Variants in AIG1 observed in about 807,000 individuals in gnomAD.
AIG1 encodes androgen-induced gene 1 protein.
In AIG1, 23 loss-of-function variants were observed where a neutral mutation model predicts 31.4. The ratio of observed to expected loss-of-function variants is 0.73; its 90% CI spans 0.53 to 1.04. The LOEUF (loss-of-function observed/expected upper bound fraction) is 1.04, where lower values mean the gene tolerates loss of function less well. Ranked by LOEUF, AIG1 falls within the 50% of genes least tolerant of loss-of-function variation. The probability of loss-of-function intolerance (pLI) is 0.00; values close to 1 mark genes in which losing one functional copy is unlikely to be tolerated. For synonymous variants in AIG1, 100 were observed against 110.5 expected (o/e 0.90, Z 0.60); for missense variants, 274 against 295.0 (o/e 0.93, Z 0.52).
In AIG1 at chr6:143,222,519, C is replaced by G. The variant is rs144082865; in HGVS notation, c.399+57336C>G. Among the ~76,000 whole-genome samples the G allele has an allele frequency of 1.3e-4, 20 of 152,248 alleles. No homozygotes were observed. The East Asian group carries it at 3.9e-3, about 29-fold the overall frequency. ...CCTGTGAATTTCATTTCAGCTCTGC[C>G]ACTGTCTGGTTTTCTAGCAAATGAC... On this transcript the variant is annotated intron_variant, in intron 3 of 5. Transcript: ENST00000357847.
At chr6:143,187,143 A>G (rs1213257053) in intron 3 of AIG1, among the ~76,000 whole-genome samples, 1 of 152,200 alleles carries the variant, frequency 6.6e-6, no homozygotes, top group Admixed American at 6.5e-5. Flanking sequence ...TTGTACTCCT[A>G]ACAAAAAATT....
At chr6:143,137,126 C>A in intron 2 of AIG1, 136 bp downstream of exon 2, 1 of 948,084 alleles carries the variant, frequency 1.1e-6, no homozygotes, top group Non-Finnish European at 1.4e-6. Flanking sequence ...ACCACAGATG[C>A]GGTGGCTTAA....
intron 1 of AIG1, among the ~76,000 whole-genome samples, chr6:143,114,219 C>A (rs1207927808): frequency 1.3e-5 from 2 of 152,174 alleles, no homozygotes; most frequent in Non-Finnish European, 2.9e-5. Context: ...TTTCAAAACA[C>A]ATATCTGTTT....
In AIG1 at chr6:143,200,758, C is replaced by T. The variant is rs1028958350; in HGVS notation, c.399+35575C>T. Among the ~76,000 whole-genome samples the T allele has an allele frequency of 5.3e-5, 8 of 152,116 alleles. No homozygotes were observed. In the South Asian group the frequency reaches 1.5e-3, roughly 28 times the overall value. On this transcript the variant is annotated intron_variant, in intron 3 of 5. Coordinates refer to ENST00000357847, the MANE Select transcript of AIG1 (RefSeq NM_016108.4). ...TTGCTTTTCCGTTTCTTTGTAGGCT[C>T]CTCCTCTCCTGGACATTTACGTATT...
intron 2 of AIG1, among the ~76,000 whole-genome samples, chr6:143,145,407 C>T (rs753366057): frequency 6.6e-6 from 1 of 152,144 alleles, no homozygotes; most frequent in South Asian, 2.1e-4. Flanking sequence ...GAGTTGCCAC[C>T]TAAATCCTAA....
chr6:143,330,064 T>C lies in AIG1; in HGVS notation c.516-3218T>C, dbSNP rs1431212422. 6.6e-6 allele frequency among the ~76,000 whole-genome samples: 1 copy of C among 152,174 alleles called. No homozygotes were observed. Among genetic ancestry groups the C allele is most frequent in the African/African-American group, 2.4e-5 (1 of 41,446 alleles). ...TGGCGAAGTGCCTGCCATATAGTAA[T>C]GGCTCAATAAACAGATGTTGCTGTT... On this transcript the variant is annotated intron_variant, in intron 4 of 5. Coordinates refer to ENST00000357847, the MANE Select transcript of AIG1 (RefSeq NM_016108.4). The surrounding 1 kb of genome is among the most constrained non-coding windows in gnomAD (Gnocchi z 4.4).
chr6:143,266,346 C>CAAAAAAAAAAAAAAAAAAAAAAAAAAAAA (rs398002969), intron 3 of AIG1, among the ~76,000 whole-genome samples: 1 of 93,222 alleles, frequency 1.1e-5, no homozygotes, highest in Non-Finnish European at 2.2e-5. Flanking sequence ...GAGTCCGTCT[C>CAAAAAAAAAAAAAAAAAAAAAAAAAAAAA]AAAAAAAAAA....
chr6:143,065,158 GT>G (rs1297113895), intron 1 of AIG1, among the ~76,000 whole-genome samples: 4 of 152,178 alleles, frequency 2.6e-5, no homozygotes, highest in East Asian at 3.8e-4. Flanking sequence ...GGAATTGGCT[GT>G]TTTACTTCTT....
intron 3 of AIG1, among the ~76,000 whole-genome samples, chr6:143,259,662 T>A (rs916931439): frequency 3.5e-4 from 53 of 152,222 alleles, no homozygotes; most frequent in Admixed American, 5.9e-4. Flanking sequence ...ATTCCTTGCG[T>A]GCTCATAACC....
chr6:143,150,169 G>A (rs979672953), intron 2 of AIG1, among the ~76,000 whole-genome samples: 2 of 152,162 alleles, frequency 1.3e-5, no homozygotes, highest in Non-Finnish European at 2.9e-5. Flanking sequence ...AAGGATTTGA[G>A]GTGGTGTAAG....
chr6:143,202,933 C>T (rs1452580950), intron 3 of AIG1, among the ~76,000 whole-genome samples: 1 of 152,142 alleles, frequency 6.6e-6, no homozygotes, highest in Admixed American at 6.5e-5. Flanking sequence ...GATGAGGGAA[C>T]ATCATTAGTA....
intron 3 of AIG1, among the ~76,000 whole-genome samples, chr6:143,167,265 G>A (rs896077154): frequency 1.3e-5 from 2 of 152,156 alleles, no homozygotes; most frequent in Admixed American, 6.6e-5. Context: ...GCATATTCTT[G>A]TGCAAATAGT....
At chr6:143,096,264 A>G (rs1355102986) in intron 1 of AIG1, among the ~76,000 whole-genome samples, 2 of 152,186 alleles carry the variant, frequency 1.3e-5, no homozygotes, top group Admixed American at 1.3e-4. Context: ...ATCTGGCCAG[A>G]TATTTCCTAC....
chr6:143,300,842 G>A (rs565212432), intron 4 of AIG1, among the ~76,000 whole-genome samples: 8 of 152,338 alleles, frequency 5.3e-5, no homozygotes, highest in Non-Finnish European at 1.2e-4. Flanking sequence ...GCATCATGGA[G>A]AAGAATAAAT....
intron 4 of AIG1, among the ~76,000 whole-genome samples, chr6:143,303,454 T>C (rs531040714): frequency 1.4e-3 from 208 of 152,128 alleles, no homozygotes; most frequent in African/African-American, 4.8e-3. Flanking sequence ...GGCTAGCCAG[T>C]TTTCCCAGCA....
chr6:143,219,609 T>C (rs1184955217), intron 3 of AIG1, among the ~76,000 whole-genome samples: 5 of 152,208 alleles, frequency 3.3e-5, no homozygotes, highest in Non-Finnish European at 7.3e-5. Context: ...ACTCCTCTGA[T>C]TGGAATAAGG....
chr6:143,203,378 C>G (rs534764771), intron 3 of AIG1, among the ~76,000 whole-genome samples: 1 of 152,022 alleles, frequency 6.6e-6, no homozygotes, highest in Admixed American at 6.6e-5. Flanking sequence ...AATAGTGGCT[C>G]GAGACCTTAA....
At chr6:143,095,901 C>CTTTTTTT (rs372161832) in intron 1 of AIG1, among the ~76,000 whole-genome samples, 182 of 103,678 alleles carry the variant, frequency 1.8e-3, no homozygotes, top group Middle Eastern at 7.9e-3. Flanking sequence ...GCTACTTTAT[C>CTTTTTTT]TTTTTTTTTT....
chr6:143,137,613 C>G (rs1042145769), intron 2 of AIG1, among the ~76,000 whole-genome samples: 1 of 152,152 alleles, frequency 6.6e-6, no homozygotes, highest in Admixed American at 6.5e-5. Context: ...GAAGTAAATG[C>G]CTCTTAATGT....
Sources: allele counts gnomAD v4.1 joint callset (sites outside exome capture counted in the v4.1 genomes callset), GRCh38; gene constraint gnomAD v4.1.1; non-coding constraint Gnocchi (gnomAD v3.1); transcripts MANE v1.5; gene names NCBI Gene and HGNC (gene_info 2026-07-23, HGNC 2026-07-21).